The following ARHGAP17 variants were observed in gnomAD, a reference collection of about 807,000 sequenced individuals.
The protein encoded by ARHGAP17 is Rho GTPase activating protein 17.
Under a neutral mutation model 99.5 loss-of-function variants are expected in ARHGAP17, and 57 were observed. That is an observed-to-expected ratio of 0.57 (90% confidence interval 0.46 to 0.71). The LOEUF is 0.71. ARHGAP17 is among the 30% of genes least tolerant of loss of function. The pLI is 0.00. For synonymous variants in ARHGAP17, 417 were observed against 429.6 expected (o/e 0.97, Z 0.36); for missense variants, 1,000 against 1,122.4 (o/e 0.89, Z 1.56).
intron 17 of ARHGAP17, among the ~76,000 whole-genome samples, chr16:24,937,222 G>A (rs1380616017): frequency 2.0e-5 from 3 of 151,792 alleles, no homozygotes; most frequent in Non-Finnish European, 4.4e-5. Flanking sequence ...AGGACATCGC[G>A]ACCAGCCTGG....
chr16:24,999,597 C>T (rs776071175), intron 1 of ARHGAP17, among the ~76,000 whole-genome samples: 1 of 151,820 alleles, frequency 6.6e-6, no homozygotes. Flanking sequence ...TTCCAAAATT[C>T]CTTTTACAGA....
chr16:24,932,635 G>A (rs1430814922), intron 18 of ARHGAP17, among the ~76,000 whole-genome samples: 1 of 152,054 alleles, frequency 6.6e-6, no homozygotes, highest in African/African-American at 2.4e-5. Context: ...ATATGTCCTG[G>A]ACAAAAGCAT....
intron 1 of ARHGAP17, among the ~76,000 whole-genome samples, chr16:24,984,213 G>A (rs1360505027): frequency 1.3e-5 from 2 of 152,114 alleles, no homozygotes; most frequent in Non-Finnish European, 2.9e-5. Flanking sequence ...CCATGGACAC[G>A]AATGCTCAAG....
chr16:24,983,355 G>A, intron 1 of ARHGAP17, among the ~76,000 whole-genome samples: 1 of 151,324 alleles, frequency 6.6e-6, no homozygotes, highest in East Asian at 1.9e-4. Context: ...CATGCTGAGT[G>A]CAGTGGCCTG....
chr16:24,999,586 T>C (rs2053302753), intron 1 of ARHGAP17, among the ~76,000 whole-genome samples: 1 of 151,964 alleles, frequency 6.6e-6, no homozygotes, highest in African/African-American at 2.4e-5. Context: ...CCAGCTAATT[T>C]TTCCAAAATT....
At chr16:24,961,310 ACACTTTTT>A (rs2051990381) in intron 7 of ARHGAP17, among the ~76,000 whole-genome samples, 1 of 152,110 alleles carries the variant, frequency 6.6e-6, no homozygotes, top group Non-Finnish European at 1.5e-5. Context: ...ACACTGTTTT[ACACTTTTT>A]CATATCTGAC....
At chr16:25,009,262 G>A (rs1223344364) in intron 1 of ARHGAP17, among the ~76,000 whole-genome samples, 3 of 152,112 alleles carry the variant, frequency 2.0e-5, no homozygotes, top group African/African-American at 7.2e-5. Context: ...AGCTACTCGG[G>A]AGGCTGAGGA....
At chr16:24,943,018 A>G (rs984493500) in intron 15 of ARHGAP17, among the ~76,000 whole-genome samples, 3 of 152,166 alleles carry the variant, frequency 2.0e-5, no homozygotes, top group Non-Finnish European at 4.4e-5. Flanking sequence ...AAAGATGGGT[A>G]TCATGGGGCT....
chr16:25,002,599 G>A (rs1393691432), intron 1 of ARHGAP17, among the ~76,000 whole-genome samples: 3 of 152,166 alleles, frequency 2.0e-5, no homozygotes, highest in Non-Finnish European at 2.9e-5. Flanking sequence ...CACAGATGAC[G>A]ACAGAAGCCA....
chr16:24,991,682 C>A (rs1359587057), intron 1 of ARHGAP17, among the ~76,000 whole-genome samples: 1 of 152,184 alleles, frequency 6.6e-6, no homozygotes, highest in Admixed American at 6.5e-5. Context: ...CTTCCCACCA[C>A]TGCTAAGGAA....
At chr16:24,942,328 G>A (rs1217614742) in intron 15 of ARHGAP17, among the ~76,000 whole-genome samples, 185 bp from the exon 16 acceptor site, 1 of 152,138 alleles carries the variant, frequency 6.6e-6, no homozygotes, top group East Asian at 1.9e-4. Context: ...GTAATGTTAA[G>A]AGGACAAGAC....
intron 1 of ARHGAP17, among the ~76,000 whole-genome samples, chr16:24,982,980 ATATATATATATATATATTTTT>A (rs1456367799): frequency 0.012 from 209 of 16,790 alleles, no homozygotes; most frequent in Non-Finnish European, 0.019. Context: ...ATATATATAT[ATATATATATATATATATTTTT>A]TTTTTTTTTT....
chr16:24,984,370 T>C (rs866824135), intron 1 of ARHGAP17, among the ~76,000 whole-genome samples: 9 of 152,112 alleles, frequency 5.9e-5, no homozygotes, highest in Middle Eastern at 3.2e-3. Flanking sequence ...TTCCTGCCAC[T>C]TAAATACATA....
Position 24,968,683 on chromosome 16 carries a change from T to C in ARHGAP17, c.362A>G (p.Asp121Gly). The C allele has an allele frequency of 1.2e-6, 2 of 1,614,168 alleles. No individual in the cohort carries two copies. Among genetic ancestry groups the C allele is most frequent in the Non-Finnish European group, 1.7e-6 (2 of 1,180,028 alleles). Residue 121 changes from aspartate (D) to glycine (G), a missense_variant, in exon 5 of 20, where the codon GAC becomes GGC. By Grantham distance (94) the Asp-to-Gly change is moderately conservative. This residue lies in a region of ARHGAP17 where 472 missense variants were observed against 611.1 expected (regional missense o/e 0.77). Transcript: ENST00000289968. ...HEVFVEKEIV[D>G]PLYGIAEVEI... ...CACCTCAGCTATGCCGTACAGAGGGTCCACGATCTCCTTCTCAACAAAGAC... is the reference window on the plus strand; with the variant it reads ...CACCTCAGCTATGCCGTACAGAGGGCCCACGATCTCCTTCTCAACAAAGAC...
chr16:24,952,349 C>T lies in ARHGAP17; in HGVS notation c.986G>A (p.Arg329Gln), dbSNP rs749902519. ...AGTCATCAAAGGTTCAGGCAATTCC[C>T]GTAAATAGGATTTTAAAGCACCTGA... Reference protein sequence around the residue: ...AVAGALKSYLRELPEPLMTFN... With the variant: ...AVAGALKSYLQELPEPLMTFN... The change falls in exon 12 of 20, where the codon CGG (arginine) becomes CAG (glutamine). Residue 329 changes from arginine (R) to glutamine (Q), a missense_variant. Physicochemically the swap from Arg to Gln is conservative, Grantham distance 43 (BLOSUM62 1). Around this residue, in one of 2 missense-constraint regions of ARHGAP17, gnomAD observed 472 missense variants for 611.1 expected, o/e 0.77. Coordinates refer to ENST00000289968, the MANE Select transcript of ARHGAP17 (RefSeq NM_001006634.3). 4.3e-6 allele frequency: 7 copies of T among 1,613,006 alleles called. No individual in the cohort carries two copies. The highest frequency in any genetic ancestry group is 1.3e-5 in the African/African-American group (1 of 74,860).
At chr16:24,979,911 A>G (rs2052623540) in intron 1 of ARHGAP17, among the ~76,000 whole-genome samples, 1 of 152,134 alleles carries the variant, frequency 6.6e-6, no homozygotes, top group Non-Finnish European at 1.5e-5. Context: ...GGGTTTTGCC[A>G]TGTTGGCCAG....
At chr16:25,005,389 A>C (rs1423604743) in intron 1 of ARHGAP17, among the ~76,000 whole-genome samples, 3 of 152,214 alleles carry the variant, frequency 2.0e-5, no homozygotes. Context: ...AGGTTTCATC[A>C]CTGTATCTGT....
In ARHGAP17 at chr16:24,944,216, A is replaced by C. The variant is rs1224488107; in HGVS notation, c.1242-354T>G. Among the ~76,000 whole-genome samples the C allele has an allele frequency of 2.6e-5, 4 of 151,162 alleles. No homozygotes were observed. In the East Asian group the frequency reaches 5.8e-4, roughly 22 times the overall value. Reference sequence around the variant, plus strand: ...AACCCGGAAGATGGAGGTTGCAGTGAGCCAAGATCAGGCCACTGCACTCCA... The same window carrying C: ...AACCCGGAAGATGGAGGTTGCAGTGCGCCAAGATCAGGCCACTGCACTCCA... On this transcript the variant is annotated intron_variant, in intron 14 of 19. Transcript: ENST00000289968.
chr16:24,939,884 G>A (rs1197339169), intron 16 of ARHGAP17: 2 of 446,696 alleles, frequency 4.5e-6, no homozygotes, highest in African/African-American at 2.0e-5. Flanking sequence ...TCATGTTAGT[G>A]TGTTTATCCC....
Sources: allele counts gnomAD v4.1 joint callset (sites outside exome capture counted in the v4.1 genomes callset), GRCh38; gene constraint gnomAD v4.1.1; regional missense constraint gnomAD v4.1.1; transcripts MANE v1.5; gene names NCBI Gene and HGNC (gene_info 2026-07-23, HGNC 2026-07-21).